LTBP4: variants seen among roughly 807,000 people sequenced by gnomAD.
LTBP4 encodes latent transforming growth factor beta binding protein 4, also known as latent-transforming growth factor beta-binding protein 4.
LTBP4 carries 93 observed loss-of-function variants against 180.2 expected under a neutral mutation model. The observed-to-expected ratio is 0.52, with a 90% CI of 0.44 to 0.61. LTBP4 has a LOEUF of 0.61. Ranked by LOEUF, LTBP4 falls within the 20% of genes least tolerant of loss-of-function variation. LTBP4 has a pLI of 0.00. For synonymous variants in LTBP4, 947 were observed against 934.5 expected (o/e 1.01, Z -0.24); for missense variants, 2,116 against 2,256.5 (o/e 0.94, Z 1.26).
intron 19 of LTBP4, 32 bp from the exon 20 acceptor site, chr19:40,616,857 G>T: frequency 6.2e-7 from 1 of 1,611,808 alleles, no homozygotes; most frequent in Non-Finnish European, 8.5e-7. Flanking sequence ...TCAGGCCTTT[G>T]ACTCCCCTTT....
chr19:40,620,908 G>A (rs758644394), intron 22 of LTBP4, among the ~76,000 whole-genome samples: 7 of 151,544 alleles, frequency 4.6e-5, no homozygotes, highest in South Asian at 2.1e-4. Flanking sequence ...AAATGATCCC[G>A]TCACCCAGAT....
At chr19:40,607,279 CAG>C in intron 6 of LTBP4, 84 bp from the exon 7 acceptor site, 81 of 1,126,254 alleles carry the variant, frequency 7.2e-5, no homozygotes, top group East Asian at 1.8e-4. Context: ...CCCCCAACCC[CAG>C]AACCATTCCC....
upstream of LTBP4, chr19:40,601,320 C>T: frequency 1.0e-6 from 1 of 968,746 alleles, no homozygotes. Context: ...CGCGGGCGGG[C>T]GGGCGGGTGC....
rs559351690 is a variant in LTBP4, at chr19:40,617,222, G to A, written c.3067G>A (p.Val1023Met). The change falls in exon 21 of 30, where the codon GTG (valine) becomes ATG (methionine). Residue 1023 changes from valine to methionine, a missense_variant. By Grantham distance (21) the Val-to-Met change is conservative. This residue lies in a region of LTBP4 where 278 missense variants were observed against 373.0 expected (regional missense o/e 0.75). Coordinates refer to ENST00000396819, the MANE Select transcript of LTBP4 (RefSeq NM_001042545.2). ...GGGGGCACGGGATGGGCGTCACTGC[G>A]TGGGTACGGGACTTCAGGAGGTGGA... ...YEGARDGRHCVDVNECETLQG... is the reference protein window; with the variant it reads ...YEGARDGRHCMDVNECETLQG... 140 of 1,613,342 alleles carry A rather than the reference G, an allele frequency of 8.7e-5. 2 individuals carry two copies. Among genetic ancestry groups the A allele is most frequent in the South Asian group, 5.2e-4 (47 of 90,984 alleles).
In LTBP4 at chr19:40,609,898, A is replaced by G. The variant is rs1158548750; in HGVS notation, c.1684+27A>G. The G allele has an allele frequency of 2.0e-6, 3 of 1,505,006 alleles. No homozygotes were observed. In the African/African-American group the frequency reaches 4.2e-5, roughly 21 times the overall value. 93.2% of individuals were successfully genotyped at this position (1,505,006 alleles called of 1,614,324 possible). A position where few individuals can be genotyped will look rare whatever the true frequency, so the allele number is the denominator to read the frequency against. The stretch of plus-strand genomic sequence containing the variant: ...TGAGAAATTTGCCCCACCCGGCTCC[A>G]GGCCCACCCCAGGGTCTCGCTCCTG... On this transcript the variant is annotated intron_variant, in intron 11 of 29. Coordinates refer to ENST00000396819, the MANE Select transcript of LTBP4 (RefSeq NM_001042545.2). The surrounding 1 kb of genome is among the most constrained non-coding windows in gnomAD (Gnocchi z 4.9).
chr19:40,608,341 C>T lies in LTBP4; in HGVS notation c.1278C>T (p.Thr426=), dbSNP rs2081478591. Residue 426 remains threonine (T), a synonymous_variant, in exon 8 of 30, where the codon ACC becomes ACT. Coordinates refer to ENST00000396819, the MANE Select transcript of LTBP4 (RefSeq NM_001042545.2). ...PPRVSLSQPR[T]LPATSRPSAG... is the part of the protein sequence containing the mutation. ...GAGTGTCACTCAGCCAGCCTCGTACCCTGCCAGCCACCTCTCGGCCATCTG... is the reference window on the plus strand; with the variant it reads ...GAGTGTCACTCAGCCAGCCTCGTACTCTGCCAGCCACCTCTCGGCCATCTG... 6.2e-7 allele frequency: 1 copy of T among 1,613,428 alleles called. No homozygotes were observed. The highest frequency in any genetic ancestry group is 1.7e-5 in the Admixed American group (1 of 59,956).
intron 7 of LTBP4, 60 bp from the exon 8 acceptor site, chr19:40,608,160 C>A: frequency 6.3e-7 from 1 of 1,594,476 alleles, no homozygotes; most frequent in Non-Finnish European, 8.6e-7. Flanking sequence ...AGAGTCTGGG[C>A]TGGCCATCGT....
chr19:40,606,828 ATC>A (rs2081466349), intron 6 of LTBP4, among the ~76,000 whole-genome samples: 1 of 152,026 alleles, frequency 6.6e-6, no homozygotes, highest in Non-Finnish European at 1.5e-5. Context: ...GCTCACTGCA[ATC>A]TCTGCCTCCT....
Position 40,626,990 on chromosome 19 carries a change from T to G in LTBP4, c.4001T>G (p.Leu1334Arg). Reference protein sequence around the residue: ...PAQDSDDFEALCNVLRPPAYS... With the variant: ...PAQDSDDFEARCNVLRPPAYS... ...CTGTTCCCAGATGACTTCGAGGCCC[T>G]GTGCAATGTGCTACGCCCCCCCGCA... is the stretch of plus-strand genomic sequence containing the variant. Residue 1334 changes from leucine (L) to arginine (R), a missense_variant, in exon 28 of 30, where the codon CTG (leucine) becomes CGG (arginine). Transcript: ENST00000396819. The G allele has an allele frequency of 6.4e-7, 1 of 1,567,190 alleles. No homozygotes were observed. Among genetic ancestry groups the G allele is most frequent in the South Asian group, 1.2e-5 (1 of 84,620 alleles).
intron 1 of LTBP4, among the ~76,000 whole-genome samples, chr19:40,602,145 T>TTGTGTGTGTGTG (rs751242257): frequency 2.1e-3 from 168 of 81,810 alleles, no homozygotes; most frequent in African/African-American, 9.5e-3. Context: ...GAGACGGGGG[T>TTGTGTGTGTGTG]TGTGTGTGTG....
chr19:40,627,643 C>A, intron 28 of LTBP4, 62 bp from the exon 29 acceptor site: 4 of 1,541,312 alleles, frequency 2.6e-6, no homozygotes, highest in Non-Finnish European at 2.6e-6. Context: ...CGCGCACCCA[C>A]CGTTGTGGGT....
intron 27 of LTBP4, among the ~76,000 whole-genome samples, chr19:40,626,232 A>G (rs1243008235): frequency 6.6e-6 from 1 of 152,112 alleles, no homozygotes; most frequent in Non-Finnish European, 1.5e-5. Flanking sequence ...AGCAGATCCC[A>G]TAGTACCAGA....
Position 40,608,537 on chromosome 19 carries a change from C to A in LTBP4, c.1360C>A (p.Arg454=). 2 of 1,606,358 alleles carry A rather than the reference C, an allele frequency of 1.2e-6. No individual in the cohort carries two copies. Among genetic ancestry groups the A allele is most frequent in the Non-Finnish European group, 1.7e-6 (2 of 1,176,856 alleles). ...EPRPEPRPDP[R]PGPELPLPSI... ...CCGGCCTGAACCCCGGCCCGATCCC[C>A]GGCCCGGCCCTGAGCTTCCCTTGCC... The change falls in exon 9 of 30, where the codon CGG becomes AGG. Residue 454 remains arginine, a synonymous_variant. Coordinates refer to ENST00000396819, the MANE Select transcript of LTBP4 (RefSeq NM_001042545.2).
intron 1 of LTBP4, among the ~76,000 whole-genome samples, chr19:40,593,893 A>T (rs1697964679): frequency 6.6e-6 from 1 of 152,074 alleles, no homozygotes; most frequent in African/African-American, 2.4e-5. Flanking sequence ...TCCCGGGTTC[A>T]AGTGATCCTC....
rs377502007 is a variant in LTBP4, at chr19:40,606,228, C to A, written c.794-5C>A. On this transcript the variant is annotated splice_polypyrimidine_tract_variant and splice_region_variant and intron_variant, in intron 4 of 29. Transcript: ENST00000396819. ...CCCTGGCCCACCCCTCTCCTCTCGC[C>A]ACAGGGAACTCCGAAAGAGTGAGCG... 2 of 1,583,208 alleles carry A rather than the reference C, an allele frequency of 1.3e-6. No homozygotes were observed. The highest frequency in any genetic ancestry group is 2.7e-5 in the African/African-American group (2 of 74,270).
rs754511743 is a variant in LTBP4, at chr19:40,611,579, T to A, written c.2053+185T>A. ...ATAAGGCAGTCCTCCCCACCCCTCC[T>A]CCCTTTTTGAAAGATACTCTTGTGC... On this transcript the variant is annotated intron_variant, in intron 13 of 29. Coordinates refer to ENST00000396819, the MANE Select transcript of LTBP4 (RefSeq NM_001042545.2). This position sits in a 1 kb window ranked among gnomAD's most constrained non-coding sequence, Gnocchi z 4.4. Among the ~76,000 whole-genome samples, 21 of 152,206 alleles carry A rather than the reference T, an allele frequency of 1.4e-4. No individual in the cohort carries two copies. Among genetic ancestry groups the A allele is most frequent in the East Asian group, 9.7e-4 (5 of 5,178 alleles).
chr19:40,616,292 T>TTAAAA (rs1555738419), intron 19 of LTBP4, among the ~76,000 whole-genome samples: 1 of 136,424 alleles, frequency 7.3e-6, no homozygotes, highest in Non-Finnish European at 1.5e-5. Context: ...AGACCCCATT[T>TTAAAA]AAAAAAAAGA....
In LTBP4 at chr19:40,627,020, G is replaced by A; in HGVS notation, c.4031G>A (p.Ser1344Asn). 6.3e-7 allele frequency: 1 copy of A among 1,599,388 alleles called. No homozygotes were observed. Among genetic ancestry groups the A allele is most frequent in the Non-Finnish European group, 8.5e-7 (1 of 1,170,674 alleles). ...LCNVLRPPAY[S>N]PPRPGGFGLP... The stretch of plus-strand genomic sequence containing the variant: ...AATGTGCTACGCCCCCCCGCATATA[G>A]CCCCCCGCGACCAGGTGGCTTTGGA... The change falls in exon 28 of 30, where the codon AGC becomes AAC. Residue 1344 changes from serine to asparagine, a missense_variant. This residue lies in a region of LTBP4 where 488 missense variants were observed against 458.8 expected (regional missense o/e 1.06). Transcript: ENST00000396819.
rs766914289 is a variant in LTBP4, at chr19:40,606,387, C to T, written c.869-17C>T. Reference sequence around the variant, plus strand: ...ATCAAGTTCCTGACTCCACGGTGACCTCCCCAACCCTGGCAGATGTGGATG... The same window carrying T: ...ATCAAGTTCCTGACTCCACGGTGACTTCCCCAACCCTGGCAGATGTGGATG... On this transcript the variant is annotated splice_polypyrimidine_tract_variant and intron_variant, in intron 5 of 29. Transcript: ENST00000396819. 4 of 1,606,398 alleles carry T rather than the reference C, an allele frequency of 2.5e-6. No homozygotes were observed. In the African/African-American group the frequency reaches 5.3e-5, roughly 21 times the overall value.
Sources: allele counts gnomAD v4.1 joint callset (sites outside exome capture counted in the v4.1 genomes callset), GRCh38; gene constraint gnomAD v4.1.1; regional missense constraint gnomAD v4.1.1; non-coding constraint Gnocchi (gnomAD v3.1); transcripts MANE v1.5; gene names NCBI Gene and HGNC (gene_info 2026-07-23, HGNC 2026-07-21).